Variants in TEK observed in about 807,000 individuals in gnomAD.
The protein encoded by TEK is TEK receptor tyrosine kinase, also known as angiopoietin-1 receptor.
A neutral mutation model predicts 131.8 loss-of-function variants in TEK; 43 were observed. That is an observed-to-expected ratio of 0.33 (90% confidence interval 0.26 to 0.42). The LOEUF (loss-of-function observed/expected upper bound fraction) is 0.42. Among genes scored for constraint, TEK ranks in the 10% least tolerant of loss-of-function variants. The pLI is 1.00. For synonymous variants in TEK, 580 were observed against 491.6 expected (o/e 1.18, Z -2.38); for missense variants, 1,162 against 1,384.4 (o/e 0.84, Z 2.55).
chr9:27,175,899 G>C (rs1246622502), intron 6 of TEK, among the ~76,000 whole-genome samples: 1 of 152,102 alleles, frequency 6.6e-6, no homozygotes, highest in Non-Finnish European at 1.5e-5. Context: ...CCCTTTGTCA[G>C]ATGAGTAGGT....
intron 2 of TEK, among the ~76,000 whole-genome samples, chr9:27,164,483 C>A (rs1823656446): frequency 6.6e-6 from 1 of 152,018 alleles, no homozygotes; most frequent in Non-Finnish European, 1.5e-5. Flanking sequence ...CCACGCCCGG[C>A]TAATTTTTTG....
chr9:27,121,124 C>G (rs1821766304), intron 1 of TEK, among the ~76,000 whole-genome samples: 1 of 152,070 alleles, frequency 6.6e-6, no homozygotes, highest in Non-Finnish European at 1.5e-5. Flanking sequence ...GAGTTCAAGA[C>G]CAGCCTGACC....
chr9:27,164,480 C>T (rs953958028), intron 2 of TEK, among the ~76,000 whole-genome samples: 8 of 151,906 alleles, frequency 5.3e-5, no homozygotes, highest in South Asian at 4.2e-4. Flanking sequence ...CTACCACGCC[C>T]GGCTAATTTT....
intron 12 of TEK, among the ~76,000 whole-genome samples, chr9:27,198,867 T>G (rs1186647540): frequency 3.9e-5 from 6 of 152,214 alleles, no homozygotes; most frequent in Admixed American, 2.0e-4. Context: ...GGTGCCATTA[T>G]GGCTTCTGCA....
At chr9:27,139,651 G>A (rs13292708) in intron 1 of TEK, among the ~76,000 whole-genome samples, 35,378 of 151,550 alleles carry the variant, frequency 0.23, 4,664 homozygotes, top group Admixed American at 0.3. Flanking sequence ...TGAGAAGTTG[G>A]TTTTCTTTTT....
chr9:27,178,166 A>T (rs994762734), intron 6 of TEK, among the ~76,000 whole-genome samples: 4 of 151,878 alleles, frequency 2.6e-5, no homozygotes, highest in Admixed American at 6.6e-5. Context: ...TTCTAATTTT[A>T]TTCTTCTGCT....
chr9:27,124,794 TAGAAAACACAA>T (rs1261798031), intron 1 of TEK, among the ~76,000 whole-genome samples: 5 of 152,220 alleles, frequency 3.3e-5, no homozygotes, highest in African/African-American at 1.2e-4. Flanking sequence ...TGCTTAAATT[TAGAAAACACAA>T]AGAAAATTAG....
rs1159159226 is a variant in TEK at position 27,190,648 on chromosome 9, T to C, written c.1447T>C (p.Tyr483His). ...DGPIKSKKLL[Y>H]KPVNHYEAWQ... ...ACCAATCAAATCCAAGAAGCTTCTATACAAACCCGTTAATCACTATGAGGC... is the reference window on the plus strand; with the variant it reads ...ACCAATCAAATCCAAGAAGCTTCTACACAAACCCGTTAATCACTATGAGGC... Residue 483 changes from tyrosine to histidine, a missense_variant, in exon 10 of 23, where the codon TAC becomes CAC. Physicochemically the swap from Tyr to His is moderately conservative, Grantham distance 83. Around this residue, in one of 6 missense-constraint regions of TEK, gnomAD observed 477 missense variants for 471.0 expected, o/e 1.01. Transcript: ENST00000380036. 6.2e-6 allele frequency: 10 copies of C among 1,613,876 alleles called. No individual in the cohort carries two copies. The highest frequency in any genetic ancestry group is 2.2e-5 in the South Asian group (2 of 91,084).
At chr9:27,130,612 A>G (rs143218808) in intron 1 of TEK, among the ~76,000 whole-genome samples, 1 of 151,884 alleles carries the variant, frequency 6.6e-6, no homozygotes, top group East Asian at 1.9e-4. Context: ...TATGGTAAAT[A>G]AAAGATTAAA....
chr9:27,214,667 T>TA (rs1564103743), intron 18 of TEK, among the ~76,000 whole-genome samples: 1 of 152,230 alleles, frequency 6.6e-6, no homozygotes. Context: ...CATTTTGGCT[T>TA]ATTGCCTTTC....
Position 27,218,130 on chromosome 9 carries a change from T to TTGTG in TEK, c.3062+372_3062+373insTGTG, listed in dbSNP as rs9298888. Reference sequence around the variant, plus strand: ...CTGGGGACAAAATAAGGCCAGACAGTGGCGGGGGTCGTCTCTGCTTGCAGC... The same window carrying TTGTG: ...CTGGGGACAAAATAAGGCCAGACAGTTGTGGGCGGGGGTCGTCTCTGCTTGCAGC... On this transcript the variant is annotated intron_variant, in intron 19 of 22. Coordinates refer to ENST00000380036, the MANE Select transcript of TEK (RefSeq NM_000459.5). Among the ~76,000 whole-genome samples, 4 of 139,634 alleles carry TTGTG rather than the reference T, an allele frequency of 2.9e-5. No homozygotes were observed. In the East Asian group the frequency reaches 7.4e-4, roughly 26 times the overall value. The allele number at this position is 139,634 out of a possible 152,430, so 91.6% of individuals were successfully genotyped here.
chr9:27,137,988 C>T (rs899201252), intron 1 of TEK, among the ~76,000 whole-genome samples: 1 of 152,056 alleles, frequency 6.6e-6, no homozygotes, highest in Non-Finnish European at 1.5e-5. Context: ...TTTGTGGTCT[C>T]GCTGACTTCA....
intron 1 of TEK, among the ~76,000 whole-genome samples, chr9:27,134,845 T>C (rs554458948): frequency 2.0e-5 from 3 of 152,292 alleles, no homozygotes; most frequent in Admixed American, 6.5e-5. Flanking sequence ...ATAGGAGGAA[T>C]ATAGGTCTGA....
At chr9:27,161,452 G>A (rs1823545132) in intron 2 of TEK, among the ~76,000 whole-genome samples, 1 of 152,190 alleles carries the variant, frequency 6.6e-6, no homozygotes, top group South Asian at 2.1e-4. Context: ...GTCCCTAAAA[G>A]CTTAGGTAAA....
chr9:27,131,494 A>AAG (rs1822220077), intron 1 of TEK, among the ~76,000 whole-genome samples: 1 of 151,424 alleles, frequency 6.6e-6, no homozygotes, highest in South Asian at 2.1e-4. Flanking sequence ...AAAAAAAAAA[A>AAG]AAGTTATGAT....
At chr9:27,229,070 CTA>C in intron 22 of TEK, 86 bp from the exon 23 acceptor site, 1 of 1,206,570 alleles carries the variant, frequency 8.3e-7, no homozygotes, top group East Asian at 2.3e-5. Context: ...TTGCAACAAA[CTA>C]AGAAAACCAA....
At chr9:27,206,394 C>T (rs753786689) in intron 14 of TEK, among the ~76,000 whole-genome samples, 188 bp from the exon 15 acceptor site, 3 of 152,166 alleles carry the variant, frequency 2.0e-5, no homozygotes, top group African/African-American at 4.8e-5. Flanking sequence ...GAATTGTGCC[C>T]GTGCAGCCCT....
intron 7 of TEK, among the ~76,000 whole-genome samples, chr9:27,183,071 G>A (rs1303715497): frequency 6.6e-6 from 1 of 152,140 alleles, no homozygotes; most frequent in Non-Finnish European, 1.5e-5. Context: ...TTTTTTGTTT[G>A]TTGTATTTTT....
chr9:27,181,981 A>AG (rs898245001), intron 7 of TEK, among the ~76,000 whole-genome samples: 10 of 59,254 alleles, frequency 1.7e-4, no homozygotes, highest in Admixed American at 5.3e-4. Context: ...GTGTTTTCTC[A>AG]AAGTCCTTAA....
Sources: allele counts gnomAD v4.1 joint callset (sites outside exome capture counted in the v4.1 genomes callset), GRCh38; gene constraint gnomAD v4.1.1; regional missense constraint gnomAD v4.1.1; transcripts MANE v1.5; gene names NCBI Gene and HGNC (gene_info 2026-07-23, HGNC 2026-07-21).